Variants in LRRC7 observed in about 807,000 individuals in gnomAD.
The protein encoded by LRRC7 is leucine rich repeat containing 7.
A neutral mutation model predicts 175.7 loss-of-function variants in LRRC7; 23 were observed. The observed-to-expected ratio is 0.13, with a 90% CI of 0.09 to 0.19. The LOEUF (loss-of-function observed/expected upper bound fraction) is 0.19, where lower values mean the gene tolerates loss of function less well. LRRC7 is among the 10% of genes least tolerant of loss of function. The probability of loss-of-function intolerance (pLI) is 1.00; values close to 1 mark genes in which losing one functional copy is unlikely to be tolerated. For synonymous variants in LRRC7, 685 were observed against 680.9 expected (o/e 1.01, Z -0.09); for missense variants, 1,354 against 1,904.7 (o/e 0.71, Z 5.38).
At chr1:69,917,034 T>C (rs1557885803) in intron 7 of LRRC7, among the ~76,000 whole-genome samples, 1 of 152,120 alleles carries the variant, frequency 6.6e-6, no homozygotes, top group Non-Finnish European at 1.5e-5. Context: ...ATAAAAGCAA[T>C]GATTTAGAAA....
intron 1 of LRRC7, among the ~76,000 whole-genome samples, chr1:69,608,881 TATATATATATATATATATACAC>T (rs1206228694): frequency 1.7e-4 from 22 of 130,122 alleles, no homozygotes; most frequent in African/African-American, 6.6e-4. Context: ...TATATATATA[TATATATATATATATATATACAC>T]ACACACACAC....
intron 1 of LRRC7, among the ~76,000 whole-genome samples, chr1:69,599,960 T>C (rs888536627): frequency 6.6e-6 from 1 of 152,190 alleles, no homozygotes; most frequent in Non-Finnish European, 1.5e-5. Flanking sequence ...TTGAGCAGAA[T>C]GGGCAGATAG....
chr1:69,861,190 GA>G (rs1684322955), intron 7 of LRRC7, among the ~76,000 whole-genome samples: 1 of 152,060 alleles, frequency 6.6e-6, no homozygotes, highest in South Asian at 2.1e-4. Flanking sequence ...TAGAAAAGTT[GA>G]AAAGGACTGC....
intron 7 of LRRC7, among the ~76,000 whole-genome samples, chr1:69,891,940 C>A (rs577367237): frequency 6.6e-6 from 1 of 151,012 alleles, no homozygotes; most frequent in South Asian, 2.1e-4. Context: ...AAGTAAAGTG[C>A]AATAAAATGA....
At chr1:69,773,818 T>G (rs2100994063) in intron 3 of LRRC7, among the ~76,000 whole-genome samples, 1 of 152,298 alleles carries the variant, frequency 6.6e-6, no homozygotes, top group African/African-American at 2.4e-5. Flanking sequence ...TTTAAGGACC[T>G]TAAAGCACAA....
rs567773826 is a variant in LRRC7, at chr1:69,930,881, AGAAACCACCCCCATGATCCAATCACCTC to A, written c.648-625_648-598del. Reference sequence around the variant, plus strand: ...CTCACTTTCATGAGAACAGCATAGGAGAAACCACCCCCATGATCCAATCACCTCCCACCAGGTCCCTTCCTCAGTATAC... The same window carrying A: ...CTCACTTTCATGAGAACAGCATAGGACCACCAGGTCCCTTCCTCAGTATAC... On this transcript the variant is annotated intron_variant, in intron 7 of 26. Transcript: ENST00000651989. Among the ~76,000 whole-genome samples the A allele has an allele frequency of 8.0e-3, 1,225 of 152,252 alleles. 13 individuals are homozygous for A. The highest frequency in any genetic ancestry group is 0.027 in the African/African-American group (1,121 of 41,544).
chr1:70,015,315 A>G (rs910283994), intron 13 of LRRC7, among the ~76,000 whole-genome samples: 1 of 151,966 alleles, frequency 6.6e-6, no homozygotes, highest in Non-Finnish European at 1.5e-5. Context: ...ATCTCTTTTC[A>G]TATTTATTAG....
In LRRC7 at chr1:69,841,424, G is replaced by A. The variant is rs565363223; in HGVS notation, c.647+3141G>A. 2.6e-5 allele frequency among the ~76,000 whole-genome samples: 4 copies of A among 152,056 alleles called. No individual in the cohort carries two copies. In the South Asian group the frequency reaches 8.3e-4, roughly 32 times the overall value. ...CTTCCAAAGTATGGAAGAAAACAAC[G>A]TTAAGACTATAAATACCAGGAGACA... On this transcript the variant is annotated intron_variant, in intron 7 of 26. Transcript: ENST00000651989.
chr1:69,904,024 C>T (rs1201671130), intron 7 of LRRC7, among the ~76,000 whole-genome samples: 1 of 152,068 alleles, frequency 6.6e-6, no homozygotes, highest in Non-Finnish European at 1.5e-5. Flanking sequence ...AGCCTACCAA[C>T]CAAAAAAAGT....
chr1:69,912,553 A>G (rs1028568007), intron 7 of LRRC7, among the ~76,000 whole-genome samples: 12 of 152,062 alleles, frequency 7.9e-5, no homozygotes, highest in African/African-American at 2.9e-4. Flanking sequence ...GTAGCCCCCC[A>G]CCCTCAGAAA....
chr1:69,620,434 C>T (rs746866236), intron 1 of LRRC7, among the ~76,000 whole-genome samples: 2 of 152,144 alleles, frequency 1.3e-5, no homozygotes, highest in African/African-American at 2.4e-5. Flanking sequence ...TAGAATCGCA[C>T]TCTTTCAACT....
Position 69,869,832 on chromosome 1 carries a change from G to T in LRRC7, c.647+31549G>T, listed in dbSNP as rs547864594. Among the ~76,000 whole-genome samples the T allele has an allele frequency of 1.6e-4, 24 of 152,158 alleles. No homozygotes were observed. In the South Asian group the frequency reaches 4.1e-3, roughly 26 times the overall value. ...GGATTTGAAATCAGAAGGATTTTTGGACATTTATACCTAATAACAATTCCT... is the reference window on the plus strand; with the variant it reads ...GGATTTGAAATCAGAAGGATTTTTGTACATTTATACCTAATAACAATTCCT... On this transcript the variant is annotated intron_variant, in intron 7 of 26. Transcript: ENST00000651989.
intron 7 of LRRC7, among the ~76,000 whole-genome samples, chr1:69,925,788 G>T (rs1379986652): frequency 5.3e-5 from 8 of 150,914 alleles, no homozygotes; most frequent in Non-Finnish European, 1.5e-5. Flanking sequence ...GTTTTTTTGT[G>T]TCTCTATTTC....
At chr1:69,708,763 T>G (rs1557629164) in intron 2 of LRRC7, among the ~76,000 whole-genome samples, 1 of 152,192 alleles carries the variant, frequency 6.6e-6, no homozygotes. Flanking sequence ...GTCGCTCATA[T>G]TCCTCCTAGG....
intron 1 of LRRC7, among the ~76,000 whole-genome samples, chr1:69,669,283 C>G (rs1466899078): frequency 6.6e-6 from 1 of 152,092 alleles, no homozygotes; most frequent in African/African-American, 2.4e-5. Flanking sequence ...AATCCTTCAG[C>G]CTTTGTTTGT....
At chr1:69,714,976 A>T (rs969513867) in intron 2 of LRRC7, among the ~76,000 whole-genome samples, 2 of 152,214 alleles carry the variant, frequency 1.3e-5, no homozygotes, top group African/African-American at 4.8e-5. Context: ...AATTAAACAT[A>T]ATCTTCAGCA....
chr1:69,981,959 T>C (rs1380014312), intron 9 of LRRC7, among the ~76,000 whole-genome samples: 1 of 152,172 alleles, frequency 6.6e-6, no homozygotes, highest in African/African-American at 2.4e-5. Context: ...TGGCCCAAGA[T>C]AACACAGCCA....
At chr1:69,955,425 T>C (rs1428286168) in intron 8 of LRRC7, among the ~76,000 whole-genome samples, 1 of 151,948 alleles carries the variant, frequency 6.6e-6, no homozygotes, top group Non-Finnish European at 1.5e-5. Context: ...AGGAGTGCTT[T>C]AGGCAGAAGA....
At chr1:69,582,552 A>G (rs1646241775) in intron 1 of LRRC7, among the ~76,000 whole-genome samples, 1 of 152,258 alleles carries the variant, frequency 6.6e-6, no homozygotes, top group African/African-American at 2.4e-5. Context: ...GGCCAAAACA[A>G]GTCACATAAC....
Sources: gnomAD v4.1 joint callset for allele counts (sites outside exome capture counted in the v4.1 genomes callset) on GRCh38, gnomAD v4.1.1 for gene constraint, MANE v1.5 for transcripts, NCBI Gene and HGNC (gene_info 2026-07-23, HGNC 2026-07-21) for gene names.